Variants in EHBP1L1 observed in about 807,000 individuals in gnomAD.
EHBP1L1 encodes the protein EH domain binding protein 1 like 1.
EHBP1L1 carries 122 observed loss-of-function variants against 151.1 expected under a neutral mutation model. The observed-to-expected ratio is 0.81, with a 90% confidence interval of 0.70 to 0.94. The LOEUF (loss-of-function observed/expected upper bound fraction) is 0.94, where lower values mean the gene tolerates loss of function less well. EHBP1L1 is among the 40% of genes least tolerant of loss of function. The pLI is 0.00. For missense variants in EHBP1L1, 1,941 were observed against 1,959.8 expected, an observed-to-expected ratio of 0.99 and a Z score of 0.18; for synonymous variants, 878 against 810.1, an observed-to-expected ratio of 1.08 and a Z score of -1.42.
chr11:65,591,558 G>C (rs920639057), intron 16 of EHBP1L1: 2 of 593,436 alleles, frequency 3.4e-6, no homozygotes, highest in African/African-American at 1.9e-5. Context: ...ATAATCCTTC[G>C]GGGGTCCTTC....
chr11:65,581,637 A>G lies in EHBP1L1; in HGVS notation c.965A>G (p.Asp322Gly). 4.5e-6 allele frequency: 7 copies of G among 1,553,266 alleles called. No homozygotes were observed. The highest frequency in any genetic ancestry group is 6.1e-6 in the Non-Finnish European group (7 of 1,148,576). The change falls in exon 9 of 19, where the codon GAT (aspartate) becomes GGT (glycine). Residue 322 changes from aspartate (D) to glycine (G), a missense_variant. Transcript: ENST00000309295. ...ALRPPVPQGE[D>G]EVPKASGAPP... Reference sequence around the variant, plus strand: ...CGGCCCCCAGTCCCCCAGGGGGAAGATGAGGTCCCCAAAGCCTCAGGGGCT... The same window carrying G: ...CGGCCCCCAGTCCCCCAGGGGGAAGGTGAGGTCCCCAAAGCCTCAGGGGCT...
rs1565116358 is a variant in EHBP1L1, at chr11:65,576,230, C to T, written c.-73C>T. Reference sequence around the variant, plus strand: ...GGCGGCGCGGACAGGCCATGGGGACCCGGGCCGGGCCAGCGGTGGCGGGCC... The same window carrying T: ...GGCGGCGCGGACAGGCCATGGGGACTCGGGCCGGGCCAGCGGTGGCGGGCC... On this transcript the variant is annotated 5_prime_UTR_variant, in exon 1 of 19. Coordinates refer to ENST00000309295, the MANE Select transcript of EHBP1L1 (RefSeq NM_001099409.3). 18 of 1,406,950 alleles carry T rather than the reference C, an allele frequency of 1.3e-5. No homozygotes were observed. Among genetic ancestry groups the T allele is most frequent in the Non-Finnish European group, 1.5e-5 (16 of 1,067,898 alleles). The allele number at this position is 1,406,950 out of a possible 1,614,324, so 87.2% of individuals were successfully genotyped here. A position where few individuals can be genotyped will look rare whatever the true frequency, so the allele number is the denominator to read the frequency against.
intron 1 of EHBP1L1, chr11:65,578,059 C>G (rs955144723): frequency 1.3e-5 from 2 of 152,422 alleles, no homozygotes; most frequent in Non-Finnish European, 2.9e-5. Flanking sequence ...CCAGGCCCAG[C>G]CATGAGTCCA....
intron 8 of EHBP1L1, 76 bp downstream of exon 8, chr11:65,581,449 C>T: frequency 2.1e-6 from 3 of 1,433,550 alleles, no homozygotes; most frequent in South Asian, 1.4e-5. Flanking sequence ...CAACCTGCCT[C>T]CAGGGCCCCA....
chr11:65,589,265 C>T (rs539272282), intron 12 of EHBP1L1, among the ~76,000 whole-genome samples: 45 of 152,246 alleles, frequency 3.0e-4, no homozygotes, highest in Admixed American at 6.5e-4. Flanking sequence ...ATTAGCTGGG[C>T]GTGATGGCGG....
chr11:65,584,316 G>A lies in EHBP1L1; in HGVS notation c.3169G>A (p.Val1057Ile), dbSNP rs564127023. Residue 1057 changes from valine (V) to isoleucine (I), a missense_variant, in exon 10 of 19, where the codon GTC (valine) becomes ATC (isoleucine). Physicochemically the swap from Val to Ile is conservative, Grantham distance 29. Coordinates refer to ENST00000309295, the MANE Select transcript of EHBP1L1 (RefSeq NM_001099409.3). ...GGAAGTCACCACTGGCTACCGTGGC[G>A]TCCGCATCACCAACTTCACCACATC... is the stretch of plus-strand genomic sequence containing the variant. ...CQEVTTGYRG[V>I]RITNFTTSWR... The A allele has an allele frequency of 9.9e-5, 159 of 1,611,362 alleles. No homozygotes were observed. The highest frequency in any genetic ancestry group is 6.3e-4 in the South Asian group (57 of 90,974).
Position 65,592,624 on chromosome 11 carries a change from GC to G in EHBP1L1, c.*323del. On this transcript the variant is annotated 3_prime_UTR_variant, in exon 19 of 19. Transcript: ENST00000309295. ...CTGGCTTGCCCTCCTGTTCTCCAGA[GC>G]AATAAAGTTGGACGAGACTACCCCA... The G allele has an allele frequency of 3.8e-6, 1 of 261,684 alleles. No homozygotes were observed. Among genetic ancestry groups the G allele is most frequent in the Non-Finnish European group, 7.4e-6 (1 of 134,986 alleles). The allele number at this position is 261,684 out of a possible 1,614,324, so 16.2% of individuals were successfully genotyped here.
rs1857908513 is a variant in EHBP1L1 at position 65,585,386 on chromosome 11, C to T, written c.3728C>T (p.Ala1243Val). ...EVPAEGLVNG[A>V]GAPGGGGVRL... ...CCGGCCGAGGGGCTGGTGAACGGGG[C>T]GGGGGCACCGGGCGGCGGCGGCGTG... Residue 1243 changes from alanine (A) to valine (V), a missense_variant, in exon 12 of 19, where the codon GCG (alanine) becomes GTG (valine). Coordinates refer to ENST00000309295, the MANE Select transcript of EHBP1L1 (RefSeq NM_001099409.3). This position sits in a 1 kb window ranked among gnomAD's most constrained non-coding sequence, Gnocchi z 4.0. 3.9e-6 allele frequency: 5 copies of T among 1,277,800 alleles called. No individual in the cohort carries two copies. The highest frequency in any genetic ancestry group is 4.9e-6 in the Non-Finnish European group (5 of 1,017,452). The allele number at this position is 1,277,800 out of a possible 1,614,324, so 79.2% of individuals were successfully genotyped here. A position where few individuals can be genotyped will look rare whatever the true frequency, so the allele number is the denominator to read the frequency against.
Position 65,592,322 on chromosome 11 carries a change from C to G in EHBP1L1, c.*20C>G. 1 of 1,423,612 alleles carries G rather than the reference C, an allele frequency of 7.0e-7. No homozygotes were observed. The allele number at this position is 1,423,612 out of a possible 1,614,324, so 88.2% of individuals were successfully genotyped here. A position where few individuals can be genotyped will look rare whatever the true frequency, so the allele number is the denominator to read the frequency against. Reference sequence around the variant, plus strand: ...AGCTGAGGCCGCCGGCCCGGGTGGCCCATAACTTCTCGCGTCCCCGGCGTC... The same window carrying G: ...AGCTGAGGCCGCCGGCCCGGGTGGCGCATAACTTCTCGCGTCCCCGGCGTC... On this transcript the variant is annotated 3_prime_UTR_variant, in exon 19 of 19. Coordinates refer to ENST00000309295, the MANE Select transcript of EHBP1L1 (RefSeq NM_001099409.3).
chr11:65,581,849 G>A lies in EHBP1L1; in HGVS notation c.1177G>A (p.Asp393Asn). Residue 393 changes from aspartate to asparagine, a missense_variant, in exon 9 of 19, where the codon GAC (aspartate) becomes AAC (asparagine). Asp to Asn is a conservative substitution (Grantham distance 23). Transcript: ENST00000309295. ...GGACAGGCCAGAGGCCAGTGGGGTG[G>A]ACACTGAGCCAAGGTCAGGAGGCAG... ...TEDRPEASGV[D>N]TEPRSGGREA... is the part of the protein sequence containing the mutation. 6.2e-7 allele frequency: 1 copy of A among 1,613,654 alleles called. No homozygotes were observed. The highest frequency in any genetic ancestry group is 8.5e-7 in the Non-Finnish European group (1 of 1,179,798).
chr11:65,576,802 C>T (rs1390048531), intron 1 of EHBP1L1, among the ~76,000 whole-genome samples: 1 of 151,498 alleles, frequency 6.6e-6, no homozygotes, highest in African/African-American at 2.4e-5. Flanking sequence ...CCTCCCTGAC[C>T]TTACTTAGTC....
chr11:65,589,436 A>G (rs577337820), intron 12 of EHBP1L1, among the ~76,000 whole-genome samples: 11 of 152,120 alleles, frequency 7.2e-5, no homozygotes, highest in African/African-American at 2.2e-4. Context: ...GGCCCTTCAC[A>G]GGCTCTCATC....
chr11:65,586,601 C>T (rs1857977016), intron 12 of EHBP1L1, among the ~76,000 whole-genome samples: 1 of 152,178 alleles, frequency 6.6e-6, no homozygotes, highest in Admixed American at 6.5e-5. Context: ...GTTTAGGCCT[C>T]GTTTAGGGAA....
At chr11:65,588,061 G>A (rs1209290772) in intron 12 of EHBP1L1, among the ~76,000 whole-genome samples, 20 of 152,188 alleles carry the variant, frequency 1.3e-4, no homozygotes, top group Admixed American at 1.3e-3. Context: ...CGGGGTGAGT[G>A]GGGGTTGGAG....
intron 9 of EHBP1L1, 108 bp downstream of exon 9, chr11:65,583,873 G>A (rs1590825438): frequency 7.0e-7 from 1 of 1,424,758 alleles, no homozygotes; most frequent in South Asian, 1.6e-5. Context: ...ATCGGGTGGG[G>A]TGGGGGGCTC....
Position 65,579,949 on chromosome 11 carries a change from A to G in EHBP1L1, c.272A>G (p.Asp91Gly). ...SVTLYRDPHV[D>G]QYEAKEWTFI... ...CCTTCTTCCCAGGACCCCCACGTGG[A>G]CCAGTATGAGGCCAAAGAGTGGACA... is the stretch of plus-strand genomic sequence containing the variant. Residue 91 changes from aspartate to glycine, a missense_variant, in exon 4 of 19, where the codon GAC becomes GGC. By Grantham distance (94) the Asp-to-Gly change is moderately conservative (BLOSUM62 -1). Coordinates refer to ENST00000309295, the MANE Select transcript of EHBP1L1 (RefSeq NM_001099409.3). 6.2e-7 allele frequency: 1 copy of G among 1,613,700 alleles called. No homozygotes were observed.
At chr11:65,584,740 T>A (rs1396408514) in intron 11 of EHBP1L1, 1 of 988,634 alleles carries the variant, frequency 1.0e-6, no homozygotes, top group African/African-American at 1.6e-5. Context: ...AGATGGTTTT[T>A]CCAAAACCAC....
Position 65,585,723 on chromosome 11 carries a change from G to GCA in EHBP1L1, c.3933+132_3933+133insCA. The GCA allele has an allele frequency of 2.8e-6, 4 of 1,410,152 alleles. No individual in the cohort carries two copies. The highest frequency in any genetic ancestry group is 3.8e-6 in the Non-Finnish European group (4 of 1,053,740). The allele number at this position is 1,410,152 out of a possible 1,614,324, so 87.4% of individuals were successfully genotyped here. ...GAGGGTGACGGTTTCAGAGTGGCGGGGCTCGGCTGGACCCAGGAGGGGCTA... is the reference window on the plus strand; with the variant it reads ...GAGGGTGACGGTTTCAGAGTGGCGGGCAGCTCGGCTGGACCCAGGAGGGGCTA... On this transcript the variant is annotated intron_variant, in intron 12 of 18. Coordinates refer to ENST00000309295, the MANE Select transcript of EHBP1L1 (RefSeq NM_001099409.3). The surrounding 1 kb of genome is among the most constrained non-coding windows in gnomAD (Gnocchi z 4.0).
chr11:65,585,354 G>A lies in EHBP1L1; in HGVS notation c.3696G>A (p.Ala1232=). 8.8e-7 allele frequency: 1 copy of A among 1,138,528 alleles called. No individual in the cohort carries two copies. The highest frequency in any genetic ancestry group is 1.1e-6 in the Non-Finnish European group (1 of 929,452). 70.5% of individuals were successfully genotyped at this position (1,138,528 alleles called of 1,614,324 possible). The change falls in exon 12 of 19, where the codon GCG becomes GCA. Residue 1232 remains alanine (A), a synonymous_variant. Transcript: ENST00000309295. The surrounding 1 kb of genome is among the most constrained non-coding windows in gnomAD (Gnocchi z 4.0). ...GAEAPRESRP[A]EVPAEGLVNG... Reference sequence around the variant, plus strand: ...AGGCCCCCCGAGAGTCGCGACCCGCGGAGGTCCCGGCCGAGGGGCTGGTGA... The same window carrying A: ...AGGCCCCCCGAGAGTCGCGACCCGCAGAGGTCCCGGCCGAGGGGCTGGTGA...
Sources: allele counts gnomAD v4.1 joint callset (sites outside exome capture counted in the v4.1 genomes callset), GRCh38; gene constraint gnomAD v4.1.1; non-coding constraint Gnocchi (gnomAD v3.1); transcripts MANE v1.5; gene names NCBI Gene and HGNC (gene_info 2026-07-23, HGNC 2026-07-21).